GRIN2B: variants seen among roughly 807,000 people sequenced by gnomAD.
GRIN2B encodes glutamate receptor ionotropic, NMDA 2B.
A neutral mutation model predicts 114.5 loss-of-function variants in GRIN2B; 5 were observed. The observed-to-expected ratio is 0.04, with a 90% CI of 0.02 to 0.09. GRIN2B has a LOEUF of 0.09. Among genes scored for constraint, GRIN2B ranks in the 10% least tolerant of loss-of-function variants. The probability of loss-of-function intolerance (pLI) is 1.00; values close to 1 mark genes in which losing one functional copy is unlikely to be tolerated. For missense variants in GRIN2B, 1,108 were observed against 1,943.5 expected, an observed-to-expected ratio of 0.57 and a Z score of 8.08; for synonymous variants, 787 against 745.1, an observed-to-expected ratio of 1.06 and a Z score of -0.92.
chr12:13,702,675 A>T (rs1002705944), intron 4 of GRIN2B, among the ~76,000 whole-genome samples: 18 of 152,142 alleles, frequency 1.2e-4, no homozygotes, highest in Non-Finnish European at 2.4e-4. Context: ...GATTCAACTC[A>T]CTTCCAAATA....
At chr12:13,830,639 T>C (rs1865128512) in intron 3 of GRIN2B, among the ~76,000 whole-genome samples, 1 of 152,230 alleles carries the variant, frequency 6.6e-6, no homozygotes, top group South Asian at 2.1e-4. Flanking sequence ...CTGTTCTATA[T>C]TACATTTTAT....
intron 3 of GRIN2B, among the ~76,000 whole-genome samples, chr12:13,854,593 C>T (rs1209116031): frequency 1.3e-5 from 2 of 151,994 alleles, no homozygotes; most frequent in African/African-American, 2.4e-5. Flanking sequence ...TGCTAAAAGA[C>T]GAACTTCACC....
At chr12:13,580,433 C>G (rs1948832771) in intron 10 of GRIN2B, among the ~76,000 whole-genome samples, 1 of 152,208 alleles carries the variant, frequency 6.6e-6, no homozygotes, top group Non-Finnish European at 1.5e-5. Flanking sequence ...GGGCTTTTGT[C>G]TTCAAAGCTT....
intron 5 of GRIN2B, among the ~76,000 whole-genome samples, chr12:13,632,282 C>G (rs1949621591): frequency 6.6e-6 from 1 of 152,242 alleles, no homozygotes; most frequent in African/African-American, 2.4e-5. Context: ...TCCTATCAGG[C>G]AAAAGCCACC....
intron 3 of GRIN2B, among the ~76,000 whole-genome samples, chr12:13,813,659 G>A (rs1047336438): frequency 2.0e-5 from 3 of 152,226 alleles, no homozygotes; most frequent in Non-Finnish European, 4.4e-5. Context: ...GAAGGCGCTT[G>A]CCAGAGGTCA....
At chr12:13,627,841 A>G (rs1331616819) in intron 5 of GRIN2B, among the ~76,000 whole-genome samples, 1 of 152,124 alleles carries the variant, frequency 6.6e-6, no homozygotes, top group Non-Finnish European at 1.5e-5. Context: ...CATGTGCCAG[A>G]CCCTGCTGCT....
intron 10 of GRIN2B, among the ~76,000 whole-genome samples, chr12:13,582,751 G>A (rs1057006532): frequency 6.6e-6 from 1 of 151,794 alleles, no homozygotes; most frequent in Non-Finnish European, 1.5e-5. Flanking sequence ...GGTGGGGGTG[G>A]TGAGGACTGG....
intron 2 of GRIN2B, among the ~76,000 whole-genome samples, chr12:13,941,409 C>G (rs1225925063): frequency 6.6e-6 from 1 of 152,134 alleles, no homozygotes; most frequent in Non-Finnish European, 1.5e-5. Context: ...CCAAACCCTC[C>G]TGCTGTGAAG....
chr12:13,898,249 C>T (rs1221763104), intron 2 of GRIN2B, among the ~76,000 whole-genome samples: 1 of 152,118 alleles, frequency 6.6e-6, no homozygotes, highest in Non-Finnish European at 1.5e-5. Flanking sequence ...TTCTATCTAG[C>T]TTCTTATATT....
chr12:13,603,148 C>A (rs531531173), intron 10 of GRIN2B, among the ~76,000 whole-genome samples: 1 of 152,276 alleles, frequency 6.6e-6, no homozygotes, highest in East Asian at 1.9e-4. Context: ...AATTTGAGGG[C>A]CATTAGCCTG....
intron 2 of GRIN2B, among the ~76,000 whole-genome samples, chr12:13,955,707 A>C (rs1429320588): frequency 1.3e-5 from 2 of 152,174 alleles, no homozygotes; most frequent in Non-Finnish European, 2.9e-5. Flanking sequence ...TATATATGGC[A>C]TACAATACTT....
intron 10 of GRIN2B, among the ~76,000 whole-genome samples, chr12:13,586,866 T>C (rs1034155651): frequency 1.3e-5 from 2 of 152,238 alleles, no homozygotes; most frequent in Non-Finnish European, 2.9e-5. Flanking sequence ...GAGTGAAAAG[T>C]ACTGCCTTAT....
intron 3 of GRIN2B, among the ~76,000 whole-genome samples, chr12:13,841,685 A>C (rs1009705715): frequency 5.9e-5 from 9 of 152,312 alleles, no homozygotes; most frequent in Non-Finnish European, 1.3e-4. Flanking sequence ...AGTGCTTCCC[A>C]AACACTAGCC....
chr12:13,951,421 G>A (rs1387278286), intron 2 of GRIN2B, among the ~76,000 whole-genome samples: 1 of 152,074 alleles, frequency 6.6e-6, no homozygotes, highest in Non-Finnish European at 1.5e-5. Flanking sequence ...AAAATCCAAC[G>A]TAAAAACCAT....
intron 2 of GRIN2B, among the ~76,000 whole-genome samples, chr12:13,966,513 T>C (rs1279042199): frequency 2.6e-5 from 4 of 152,244 alleles, no homozygotes; most frequent in Admixed American, 1.3e-4. Context: ...TAAAAATTCA[T>C]GTTCTCTAAA....
chr12:13,952,655 T>C (rs1247347276), intron 2 of GRIN2B, among the ~76,000 whole-genome samples: 2 of 150,476 alleles, frequency 1.3e-5, no homozygotes, highest in East Asian at 4.3e-4. Flanking sequence ...TCAAAGTCTG[T>C]CTTCTTCTGG....
At chr12:13,929,379 A>T (rs1310938459) in intron 2 of GRIN2B, among the ~76,000 whole-genome samples, 1 of 152,194 alleles carries the variant, frequency 6.6e-6, no homozygotes, top group Non-Finnish European at 1.5e-5. Context: ...GATCACCAGG[A>T]ATCAGCATAG....
intron 4 of GRIN2B, among the ~76,000 whole-genome samples, chr12:13,703,223 C>G (rs1950328062): frequency 6.6e-6 from 1 of 152,120 alleles, no homozygotes; most frequent in East Asian, 1.9e-4. Flanking sequence ...ATATGGCCAG[C>G]TAGAGAAGGA....
rs200658883 is a variant in GRIN2B, at chr12:13,753,883, T to C, written c.444A>G (p.Pro148=). ...TTACGGAAGCTTGCTGTTCAATTGA[T>C]GGGCCAAACTGGAAGAACATGGAGG... is the stretch of plus-strand genomic sequence containing the variant. ...DESSMFFQFG[P]SIEQQASVML... is the part of the protein sequence containing the mutation. The change falls in exon 4 of 14, where the codon CCA becomes CCG. Residue 148 remains proline (P), a synonymous_variant. Coordinates refer to ENST00000609686, the MANE Select transcript of GRIN2B (RefSeq NM_000834.5). This position sits in a 1 kb window ranked among gnomAD's most constrained non-coding sequence, Gnocchi z 6.2. 16 of 1,612,288 alleles carry C rather than the reference T, an allele frequency of 9.9e-6. No homozygotes were observed. In the South Asian group the frequency reaches 1.2e-4, roughly 12 times the overall value.
Sources: gnomAD v4.1 joint callset for allele counts (sites outside exome capture counted in the v4.1 genomes callset) on GRCh38, gnomAD v4.1.1 for gene constraint, Gnocchi (gnomAD v3.1) non-coding constraint, MANE v1.5 for transcripts, NCBI Gene and HGNC (gene_info 2026-07-23, HGNC 2026-07-21) for gene names.